The following MRPL1 variants were observed in gnomAD, a reference collection of about 807,000 sequenced individuals.
MRPL1 encodes large ribosomal subunit protein uL1m.
In MRPL1, 28 loss-of-function variants were observed where a neutral mutation model predicts 38.0. The observed-to-expected ratio is 0.74, with a 90% CI of 0.55 to 1.01. MRPL1 has a LOEUF of 1.01. Ranked by LOEUF, MRPL1 falls within the 50% of genes least tolerant of loss-of-function variation. The pLI, the probability that MRPL1 is intolerant of heterozygous loss-of-function variation, is 0.00. For missense variants in MRPL1, 358 were observed against 389.8 expected, an observed-to-expected ratio of 0.92 and a Z score of 0.69; for synonymous variants, 123 against 126.7, an observed-to-expected ratio of 0.97 and a Z score of 0.20.
chr4:77,923,150 C>T (rs1322486131), intron 7 of MRPL1, among the ~76,000 whole-genome samples: 2 of 152,088 alleles, frequency 1.3e-5, no homozygotes, highest in African/African-American at 2.4e-5. Context: ...GGCTGGAGTG[C>T]AGTGGCGTGA....
chr4:77,881,742 A>C (rs1004322806), intron 2 of MRPL1, among the ~76,000 whole-genome samples: 2 of 152,124 alleles, frequency 1.3e-5, no homozygotes, highest in East Asian at 3.9e-4. Flanking sequence ...TGCTTGGCCC[A>C]GTATTTAGCT....
chr4:77,869,501 G>C (rs1735227787), intron 1 of MRPL1, among the ~76,000 whole-genome samples: 1 of 152,198 alleles, frequency 6.6e-6, no homozygotes. Context: ...TTGGTCTGTA[G>C]TGTTTGATTT....
intron 2 of MRPL1, among the ~76,000 whole-genome samples, chr4:77,877,507 A>G: frequency 1.4e-5 from 1 of 72,412 alleles, no homozygotes; most frequent in African/African-American, 5.6e-5. Flanking sequence ...AGTGGCAGTG[A>G]TGGGGTGGGG....
intron 7 of MRPL1, among the ~76,000 whole-genome samples, chr4:77,934,690 C>T (rs1044861283): frequency 2.6e-5 from 4 of 152,184 alleles, no homozygotes; most frequent in Admixed American, 1.3e-4. Context: ...TAGATACATA[C>T]TGAAAAGAAT....
chr4:77,946,623 A>G (rs2110268084), intron 7 of MRPL1, among the ~76,000 whole-genome samples: 1 of 152,332 alleles, frequency 6.6e-6, no homozygotes, highest in Admixed American at 6.5e-5. Context: ...ATATATGTCC[A>G]TATTAAAATG....
chr4:77,885,625 A>G (rs1735660948), intron 4 of MRPL1, among the ~76,000 whole-genome samples: 1 of 152,172 alleles, frequency 6.6e-6, no homozygotes, highest in Non-Finnish European at 1.5e-5. Context: ...TCGGCCTCCC[A>G]AAGTGCTGGG....
chr4:77,930,786 T>G (rs6854895), intron 7 of MRPL1, among the ~76,000 whole-genome samples: 115,360 of 152,014 alleles, frequency 0.76, 44,618 homozygotes, highest in African/African-American at 0.91. Flanking sequence ...TCCGTGTATG[T>G]CCTGCCTATT....
In MRPL1 at chr4:77,894,260, T is replaced by G; in HGVS notation, c.670+10T>G. The G allele has an allele frequency of 6.8e-7, 1 of 1,464,272 alleles. No homozygotes were observed. The highest frequency in any genetic ancestry group is 9.4e-7 in the Non-Finnish European group (1 of 1,062,754). 90.7% of individuals were successfully genotyped at this position (1,464,272 alleles called of 1,614,324 possible). On this transcript the variant is annotated intron_variant, in intron 6 of 8. Transcript: ENST00000315567. The stretch of plus-strand genomic sequence containing the variant: ...CCAAAGCTTTCTCGAAGTAAGAGAA[T>G]TCCTATTATTTCAATATCCTGTCAA...
chr4:77,912,903 C>T (rs1736321360), intron 7 of MRPL1, among the ~76,000 whole-genome samples: 1 of 152,024 alleles, frequency 6.6e-6, no homozygotes, highest in Non-Finnish European at 1.5e-5. Context: ...CATATATGGA[C>T]AACTGATTTT....
At chr4:77,896,454 G>C (rs546176195) in intron 6 of MRPL1, among the ~76,000 whole-genome samples, 5 of 152,112 alleles carry the variant, frequency 3.3e-5, no homozygotes, top group Non-Finnish European at 7.4e-5. Context: ...AATGGCACTG[G>C]TAAAACATTT....
chr4:77,910,248 T>G lies in MRPL1; in HGVS notation c.777+876T>G, dbSNP rs1205254848. Among the ~76,000 whole-genome samples the G allele has an allele frequency of 3.3e-5, 5 of 152,162 alleles. No individual in the cohort carries two copies. The South Asian group carries it at 1.0e-3, about 32-fold the overall frequency. On this transcript the variant is annotated intron_variant, in intron 7 of 8. Transcript: ENST00000315567. ...AGAATAAGCATTTGAACTTTGGCAGTTTCCTCAAGTCCAGGCTCTTTATCC... is the reference window on the plus strand; with the variant it reads ...AGAATAAGCATTTGAACTTTGGCAGGTTCCTCAAGTCCAGGCTCTTTATCC...
chr4:77,894,311 TTAGG>T, intron 6 of MRPL1, 61 bp downstream of exon 6: 2 of 1,079,690 alleles, frequency 1.9e-6, no homozygotes, highest in Non-Finnish European at 1.4e-6. Context: ...CTTTGCTTAG[TTAGG>T]AAACAAAGTT....
At chr4:77,931,828 G>A (rs1736852257) in intron 7 of MRPL1, among the ~76,000 whole-genome samples, 1 of 152,102 alleles carries the variant, frequency 6.6e-6, no homozygotes, top group African/African-American at 2.4e-5. Context: ...GCTGAAAAAT[G>A]TCACCCGAAC....
intron 2 of MRPL1, among the ~76,000 whole-genome samples, chr4:77,880,110 A>G (rs1560460758): frequency 2.0e-5 from 3 of 152,216 alleles, no homozygotes; most frequent in Non-Finnish European, 4.4e-5. Context: ...ATAACAAATT[A>G]CCACAAACTT....
intron 5 of MRPL1, among the ~76,000 whole-genome samples, chr4:77,892,577 T>G: frequency 6.6e-6 from 1 of 152,236 alleles, no homozygotes; most frequent in Middle Eastern, 3.2e-3. Context: ...CCACAGTTTT[T>G]TATTATTCCA....
At chr4:77,945,947 C>G (rs929021388) in intron 7 of MRPL1, among the ~76,000 whole-genome samples, 1 of 152,106 alleles carries the variant, frequency 6.6e-6, no homozygotes, top group Non-Finnish European at 1.5e-5. Flanking sequence ...CAGCTGTGCA[C>G]GTATTGTCTT....
chr4:77,887,131 C>A, intron 4 of MRPL1, 89 bp from the exon 5 acceptor site: 1 of 1,038,466 alleles, frequency 9.6e-7, no homozygotes, highest in Non-Finnish European at 1.5e-6. Flanking sequence ...GTACTTTGAA[C>A]TGTGATATTA....
At chr4:77,874,057 G>A (rs192185893) in intron 2 of MRPL1, among the ~76,000 whole-genome samples, 11 of 150,336 alleles carry the variant, frequency 7.3e-5, no homozygotes, top group Admixed American at 6.6e-4. Flanking sequence ...GGAGCGCGGT[G>A]CTGCGATCTT....
intron 7 of MRPL1, 53 bp downstream of exon 7, chr4:77,909,425 T>C: frequency 8.9e-7 from 1 of 1,128,162 alleles, no homozygotes; most frequent in Non-Finnish European, 1.3e-6. Flanking sequence ...TGTTCAAGTA[T>C]TCTTCAGTAA....
Sources: gnomAD v4.1 joint callset for allele counts (sites outside exome capture counted in the v4.1 genomes callset) on GRCh38, gnomAD v4.1.1 for gene constraint, MANE v1.5 for transcripts, NCBI Gene and HGNC (gene_info 2026-07-23, HGNC 2026-07-21) for gene names.